RTL4: variants seen among roughly 807,000 people sequenced by gnomAD.
RTL4 encodes the protein retrotransposon Gag-like protein 4.
RTL4 carries 4 observed loss-of-function variants against 5.3 expected under a neutral mutation model. That is an observed-to-expected ratio of 0.75 (90% CI 0.37 to 1.72). The LOEUF is 1.72. RTL4 is among the 40% of genes most tolerant of loss of function. RTL4 has a pLI of 0.04. For missense variants in RTL4, 260 were observed against 227.1 expected (o/e 1.14, Z -0.93); for synonymous variants, 98 against 87.3 (o/e 1.12, Z -0.68).
At chrX:112,083,436 A>T in the RTL4 span, among the ~76,000 whole-genome samples, 1 of 112,433 alleles carries the variant, frequency 8.9e-6, no homozygotes, top group Non-Finnish European at 1.9e-5. Flanking sequence ...CTGGTAGGAC[A>T]GGGAGACAGC....
chrX:112,250,380 TTC>T, the RTL4 span, among the ~76,000 whole-genome samples: 3 of 112,468 alleles, frequency 2.7e-5, no homozygotes, highest in Admixed American at 2.8e-4. Flanking sequence ...TTTTGTTTTT[TTC>T]TGTGTTGTGC....
chrX:112,135,087 T>C, the RTL4 span, among the ~76,000 whole-genome samples: 7 of 112,406 alleles, frequency 6.2e-5, no homozygotes, highest in Non-Finnish European at 1.3e-4. Context: ...GACTAAATCA[T>C]ATGTGTATGT....
chrX:112,350,678 C>G, the RTL4 span, among the ~76,000 whole-genome samples: 2 of 110,986 alleles, frequency 1.8e-5, no homozygotes, highest in Non-Finnish European at 3.8e-5. Flanking sequence ...TATTCTCTGA[C>G]GGTAGTTTGT....
the RTL4 span, among the ~76,000 whole-genome samples, chrX:112,303,876 A>G: frequency 9.0e-5 from 10 of 111,135 alleles, no homozygotes; most frequent in African/African-American, 3.3e-4. Flanking sequence ...TTATATTTGA[A>G]TATACAGGGA....
the RTL4 span, among the ~76,000 whole-genome samples, chrX:112,384,200 C>T: frequency 1.8e-5 from 2 of 111,926 alleles, no homozygotes; most frequent in South Asian, 7.3e-4. Context: ...TATCCCAGAA[C>T]TTAAAGTTTG....
the RTL4 span, among the ~76,000 whole-genome samples, chrX:112,261,864 A>G: frequency 9.0e-6 from 1 of 111,635 alleles, no homozygotes; most frequent in Non-Finnish European, 1.9e-5. Flanking sequence ...AATGGAACAG[A>G]ACAGAGGCCT....
chrX:112,136,752 A>T, the RTL4 span, among the ~76,000 whole-genome samples: 1 of 111,821 alleles, frequency 8.9e-6, no homozygotes, highest in East Asian at 2.8e-4. Flanking sequence ...AAGAATAACA[A>T]AGCTAGAGGC....
the RTL4 span, among the ~76,000 whole-genome samples, chrX:112,087,550 G>A: frequency 9.0e-6 from 1 of 111,202 alleles, no homozygotes; most frequent in South Asian, 3.8e-4. Flanking sequence ...TTGTGAAGGA[G>A]TAGTTGGTGA....
At chrX:112,294,610 C>G in the RTL4 span, among the ~76,000 whole-genome samples, 2 of 111,068 alleles carry the variant, frequency 1.8e-5, no homozygotes, top group Non-Finnish European at 3.8e-5. Flanking sequence ...AAAAACAAAC[C>G]AAACCAAAAC....
the RTL4 span, among the ~76,000 whole-genome samples, chrX:112,209,373 G>T: frequency 3.6e-4 from 40 of 111,939 alleles, no homozygotes; most frequent in African/African-American, 1.3e-3. Flanking sequence ...GCAAAACAAG[G>T]TGCACTGCTC....
the RTL4 span, among the ~76,000 whole-genome samples, chrX:112,109,077 C>T: frequency 8.9e-6 from 1 of 111,876 alleles, no homozygotes; most frequent in South Asian, 3.7e-4. Context: ...ACTGTTCTTA[C>T]TCCTCTCTTT....
the RTL4 span, among the ~76,000 whole-genome samples, chrX:112,387,928 T>C: frequency 8.9e-6 from 1 of 111,932 alleles, no homozygotes; most frequent in Admixed American, 9.4e-5. Context: ...TTTATGAACT[T>C]TAAAATAGGT....
At chrX:112,366,030 G>GCAT in the RTL4 span, among the ~76,000 whole-genome samples, 1 of 110,935 alleles carries the variant, frequency 9.0e-6, no homozygotes, top group Admixed American at 9.6e-5. Flanking sequence ...TTTGAGCTGT[G>GCAT]GCTTATAGTA....
chrX:112,197,121 A>T, the RTL4 span, among the ~76,000 whole-genome samples: 3 of 104,686 alleles, frequency 2.9e-5, no homozygotes, highest in Non-Finnish European at 5.9e-5. Flanking sequence ...CAAGAATACA[A>T]ATAATCCATT....
At chrX:112,200,135 G>A in the RTL4 span, among the ~76,000 whole-genome samples, 37 of 112,105 alleles carry the variant, frequency 3.3e-4, no homozygotes, top group Admixed American at 3.0e-3. Flanking sequence ...AGATCCCCCA[G>A]ATAGTTAGTA....
chrX:112,322,692 C>T, the RTL4 span, among the ~76,000 whole-genome samples: 1 of 111,087 alleles, frequency 9.0e-6, no homozygotes, highest in African/African-American at 3.3e-5. Flanking sequence ...CATGATAAAC[C>T]ATGTTGCCCT....
At chrX:112,219,596 T>C in the RTL4 span, among the ~76,000 whole-genome samples, 1 of 112,171 alleles carries the variant, frequency 8.9e-6, no homozygotes. Context: ...AAGCTGTCAT[T>C]CAAAAACAAA....
upstream of RTL4, among the ~76,000 whole-genome samples, chrX:112,450,018 TTCC>T (rs754811347): frequency 8.9e-6 from 1 of 112,204 alleles, no homozygotes; most frequent in Admixed American, 9.4e-5. Flanking sequence ...GGCCACAGCA[TTCC>T]TCAGAAAGTT....
the RTL4 span, among the ~76,000 whole-genome samples, chrX:112,318,864 C>A: frequency 9.0e-6 from 1 of 111,238 alleles, no homozygotes; most frequent in African/African-American, 3.3e-5. Context: ...TTACTGACAG[C>A]CAGATTTCAT....
Sources: gnomAD v4.1 joint callset for allele counts (sites outside exome capture counted in the v4.1 genomes callset) on GRCh38, gnomAD v4.1.1 for gene constraint, MANE v1.5 for transcripts, NCBI Gene and HGNC (gene_info 2026-07-23, HGNC 2026-07-21) for gene names.